The following DST variants were observed in gnomAD, a reference collection of about 807,000 sequenced individuals.
DST encodes the protein bullous pemphigoid antigen.
In DST, 253 loss-of-function variants were observed where a neutral mutation model predicts 875.2. The observed-to-expected ratio is 0.29, with a 90% CI of 0.26 to 0.32. The LOEUF (loss-of-function observed/expected upper bound fraction) is 0.32. Among genes scored for constraint, DST ranks in the 10% least tolerant of loss-of-function variants. DST has a pLI of 1.00. For synonymous variants in DST, 3,124 were observed against 3,197.1 expected (o/e 0.98, Z 0.77); for missense variants, 8,287 against 9,111.6 (o/e 0.91, Z 3.68).
chr6:56,583,652 T>C (rs1035753052), intron 49 of DST, among the ~76,000 whole-genome samples: 1 of 152,266 alleles, frequency 6.6e-6, no homozygotes, highest in Non-Finnish European at 1.5e-5. Flanking sequence ...TTTGGTGCTT[T>C]AGACATGAAG....
intron 3 of DST, chr6:56,863,076 G>A (rs1271469149): frequency 6.6e-6 from 1 of 152,298 alleles, no homozygotes; most frequent in East Asian, 1.9e-4. Context: ...TATAGCTCTG[G>A]CTCCTGGAGC....
intron 40 of DST, 57 bp downstream of exon 40, chr6:56,603,780 A>T (rs1388308049): frequency 6.3e-7 from 1 of 1,580,646 alleles, no homozygotes; most frequent in African/African-American, 1.4e-5. Flanking sequence ...AATGTATGGG[A>T]TTATTCTCAC....
intron 54 of DST, 42 bp downstream of exon 54, chr6:56,569,814 T>G: frequency 6.5e-7 from 1 of 1,545,644 alleles, no homozygotes; most frequent in Middle Eastern, 1.7e-4. Flanking sequence ...TCTTTCATTA[T>G]TGACACAAAT....
chr6:56,493,002 T>C lies in DST; in HGVS notation c.20482A>G (p.Thr6828Ala), dbSNP rs1258714768. ...CTTGGCCGAGAAGCTACATTTAGGG[T>C]CTGTTCAGCCTGAGTAAGCCAGTTG... ...FINWLTQAEQ[T>A]LNVASRPSLI... The change falls in exon 84 of 104, where the codon ACC (threonine) becomes GCC (alanine). Residue 6828 changes from threonine to alanine, a missense_variant. By Grantham distance (58) the Thr-to-Ala change is moderately conservative. Transcript: ENST00000680361. 1 of 1,612,582 alleles carries C rather than the reference T, an allele frequency of 6.2e-7. No homozygotes were observed. Among genetic ancestry groups the C allele is most frequent in the Non-Finnish European group, 8.5e-7 (1 of 1,179,322 alleles).
At chr6:56,817,735 G>A (rs1222432908) in intron 4 of DST, among the ~76,000 whole-genome samples, 1 of 152,160 alleles carries the variant, frequency 6.6e-6, no homozygotes, top group African/African-American at 2.4e-5. Context: ...ATACAGGAAT[G>A]GTTGTGCTAC....
chr6:56,905,382 C>A (rs1329030899), intron 2 of DST, among the ~76,000 whole-genome samples: 1 of 152,156 alleles, frequency 6.6e-6, no homozygotes, highest in African/African-American at 2.4e-5. Context: ...GTAACGGAAA[C>A]TTTATACCCA....
intron 47 of DST, 125 bp from the exon 48 acceptor site, chr6:56,594,318 C>G: frequency 1.4e-6 from 1 of 713,980 alleles, no homozygotes; most frequent in Non-Finnish European, 2.2e-6. Context: ...CTTCTCATTC[C>G]CCTTTTCAAG....
intron 4 of DST, among the ~76,000 whole-genome samples, chr6:56,763,350 G>A (rs1183812639): frequency 2.6e-5 from 4 of 152,016 alleles, no homozygotes; most frequent in Non-Finnish European, 5.9e-5. Flanking sequence ...ACATGTCCTA[G>A]CTTTTCACTA....
At chr6:56,743,676 A>C (rs2099556379) in intron 4 of DST, among the ~76,000 whole-genome samples, 1 of 152,162 alleles carries the variant, frequency 6.6e-6, no homozygotes, top group Non-Finnish European at 1.5e-5. Flanking sequence ...TTATACTCAT[A>C]ACAATCAGTG....
chr6:56,930,397 C>A (rs1414481011), intron 2 of DST, among the ~76,000 whole-genome samples: 1 of 152,066 alleles, frequency 6.6e-6, no homozygotes, highest in African/African-American at 2.4e-5. Flanking sequence ...AAAATGTTTT[C>A]TTGAAAACAC....
chr6:56,619,384 T>C, intron 36 of DST: 1 of 1,613,644 alleles, frequency 6.2e-7, no homozygotes, highest in Non-Finnish European at 8.5e-7. Flanking sequence ...TATCATTATT[T>C]TCTTTTTCAG....
At chr6:56,550,102 T>G (rs2097296106) in intron 61 of DST, among the ~76,000 whole-genome samples, 1 of 152,170 alleles carries the variant, frequency 6.6e-6, no homozygotes, top group Non-Finnish European at 1.5e-5. Flanking sequence ...TTGTAATTAC[T>G]ATTTTTAAGG....
chr6:56,881,081 C>A (rs951432046), intron 3 of DST, among the ~76,000 whole-genome samples: 1 of 151,792 alleles, frequency 6.6e-6, no homozygotes, highest in Non-Finnish European at 1.5e-5. Context: ...GATCTCCTGA[C>A]CTCATGATCC....
chr6:56,898,129 G>A (rs1592227749), intron 3 of DST, among the ~76,000 whole-genome samples: 1 of 152,200 alleles, frequency 6.6e-6, no homozygotes, highest in East Asian at 1.9e-4. Flanking sequence ...ACCCACGTGA[G>A]TCTTACTGCA....
At chr6:56,822,566 G>C (rs916034852) in intron 4 of DST, among the ~76,000 whole-genome samples, 1 of 152,182 alleles carries the variant, frequency 6.6e-6, no homozygotes, top group African/African-American at 2.4e-5. Context: ...AGAACCATCA[G>C]AAAGGAGTAG....
chr6:56,954,289 G>T, intron 1 of DST, 118 bp downstream of exon 1: 1 of 662,436 alleles, frequency 1.5e-6, no homozygotes, highest in Non-Finnish European at 2.3e-6. Flanking sequence ...TCAGCCTGGG[G>T]AGTGGGCAAT....
chr6:56,515,786 AATGAATAC>A lies in DST; in HGVS notation c.18358-126_18358-119del, dbSNP rs909187263. ...GTGGGCGTTTGACAAATATATGTTA[AATGAATAC>A]ATCAGTAAAAGCTATTCAGATTTTA... On this transcript the variant is annotated intron_variant, in intron 71 of 103. Coordinates refer to ENST00000680361, the MANE Select transcript of DST (RefSeq NM_001374736.1). 10 of 681,658 alleles carry A rather than the reference AATGAATAC, an allele frequency of 1.5e-5. No homozygotes were observed. The African/African-American group carries it at 1.6e-4, about 11-fold the overall frequency. 42.2% of individuals were successfully genotyped at this position (681,658 alleles called of 1,614,324 possible).
At chr6:56,473,370 C>A (rs1465619799) in intron 93 of DST, among the ~76,000 whole-genome samples, 1 of 152,274 alleles carries the variant, frequency 6.6e-6, no homozygotes, top group African/African-American at 2.4e-5. Flanking sequence ...CTTCTCCAAG[C>A]TAACTATGAT....
intron 4 of DST, among the ~76,000 whole-genome samples, chr6:56,824,974 G>T (rs929214154): frequency 6.6e-6 from 1 of 152,334 alleles, no homozygotes; most frequent in South Asian, 2.1e-4. Context: ...CCCTCTGCCC[G>T]GCCACCACCT....
Sources: allele counts gnomAD v4.1 joint callset (sites outside exome capture counted in the v4.1 genomes callset), GRCh38; gene constraint gnomAD v4.1.1; transcripts MANE v1.5; gene names NCBI Gene and HGNC (gene_info 2026-07-23, HGNC 2026-07-21).